Variants in EPHA7 observed in about 807,000 individuals in gnomAD.
EPHA7 encodes the protein ephrin type-A receptor 7.
EPHA7 carries 25 observed loss-of-function variants against 112.6 expected under a neutral mutation model. The ratio of observed to expected loss-of-function variants is 0.22; its 90% CI spans 0.16 to 0.31. EPHA7 has a LOEUF of 0.31. Among genes scored for constraint, EPHA7 ranks in the 10% least tolerant of loss-of-function variants. The probability of loss-of-function intolerance (pLI) is 1.00; values close to 1 mark genes in which losing one functional copy is unlikely to be tolerated. For missense variants in EPHA7, 962 were observed against 1,212.6 expected (o/e 0.79, Z 3.07); for synonymous variants, 437 against 406.5 (o/e 1.07, Z -0.90).
chr6:93,264,494 A>G, intron 8 of EPHA7, 100 bp downstream of exon 8: 1 of 622,806 alleles, frequency 1.6e-6, no homozygotes, highest in Admixed American at 3.4e-5. Context: ...GAATGTTTGC[A>G]TTTACTATTT....
chr6:93,369,356 CAT>C (rs781062490), intron 3 of EPHA7, among the ~76,000 whole-genome samples: 2 of 152,126 alleles, frequency 1.3e-5, no homozygotes, highest in African/African-American at 2.4e-5. Flanking sequence ...TAATTTGCCA[CAT>C]CTCTTTGTAT....
At chr6:93,390,377 G>A (rs1328440810) in intron 3 of EPHA7, among the ~76,000 whole-genome samples, 1 of 151,622 alleles carries the variant, frequency 6.6e-6, no homozygotes, top group African/African-American at 2.4e-5. Flanking sequence ...AAGTAGGTCA[G>A]AAACTGGCAT....
chr6:93,332,405 C>T (rs1163282642), intron 5 of EPHA7, among the ~76,000 whole-genome samples: 1 of 151,612 alleles, frequency 6.6e-6, no homozygotes, highest in African/African-American at 2.4e-5. Context: ...GAACAGTTAT[C>T]TACAGAACAT....
chr6:93,391,967 C>A (rs906571742), intron 3 of EPHA7, among the ~76,000 whole-genome samples: 2 of 151,716 alleles, frequency 1.3e-5, no homozygotes, highest in Admixed American at 6.6e-5. Context: ...TATCAGACAG[C>A]GTTAGACTCA....
intron 3 of EPHA7, among the ~76,000 whole-genome samples, chr6:93,366,383 G>A (rs1420852736): frequency 6.6e-6 from 1 of 152,174 alleles, no homozygotes; most frequent in Non-Finnish European, 1.5e-5. Context: ...TACAGACATA[G>A]TAGTTTTTAT....
chr6:93,351,847 C>T (rs1775710551), intron 5 of EPHA7, among the ~76,000 whole-genome samples: 1 of 152,026 alleles, frequency 6.6e-6, no homozygotes, highest in African/African-American at 2.4e-5. Flanking sequence ...GACAGTAACA[C>T]ACCTTTTTAT....
At position 93,357,011 on chromosome 6, in the gene EPHA7, G is replaced by T; in HGVS notation, c.1030C>A (p.Gln344Lys). Residue 344 changes from glutamine to lysine, a missense_variant, in exon 5 of 17, where the codon CAA becomes AAA. Gln to Lys is a moderately conservative substitution (Grantham distance 53). Around this residue, in one of 3 missense-constraint regions of EPHA7, gnomAD observed 746 missense variants for 889.2 expected, o/e 0.84. Coordinates refer to ENST00000369303, the MANE Select transcript of EPHA7 (RefSeq NM_004440.4). Reference sequence around the variant, plus strand: ...CTCCATTCCAAACTTACTGTGGTTTGGTTGATGTTGAAAATGAGGTTCTGT... The same window carrying T: ...CTCCATTCCAAACTTACTGTGGTTTTGTTGATGTTGAAAATGAGGTTCTGT... Reference protein sequence around the residue: ...APQNLIFNINQTTVSLEWSPP... With the variant: ...APQNLIFNINKTTVSLEWSPP... The T allele has an allele frequency of 6.2e-7, 1 of 1,613,710 alleles. No individual in the cohort carries two copies. The highest frequency in any genetic ancestry group is 8.5e-7 in the Non-Finnish European group (1 of 1,179,884).
intron 10 of EPHA7, among the ~76,000 whole-genome samples, chr6:93,258,635 G>T (rs918435982): frequency 6.7e-6 from 1 of 149,006 alleles, no homozygotes; most frequent in Non-Finnish European, 1.5e-5. Flanking sequence ...TCAACATTTA[G>T]ATTTGAATTA....
At chr6:93,419,180 T>C (rs1034128242) in intron 1 of EPHA7, 65 bp downstream of exon 1, 6 of 1,349,732 alleles carry the variant, frequency 4.4e-6, no homozygotes, top group Non-Finnish European at 6.1e-6. Flanking sequence ...GCGGACGAGC[T>C]GGCTTGTGCA....
chr6:93,258,547 G>A (rs1770547842), intron 10 of EPHA7, among the ~76,000 whole-genome samples: 1 of 147,688 alleles, frequency 6.8e-6, no homozygotes. Flanking sequence ...ACAGTTCAGA[G>A]CTCTTTCATA....
intron 3 of EPHA7, among the ~76,000 whole-genome samples, chr6:93,394,365 C>G (rs942467404): frequency 6.6e-6 from 1 of 151,540 alleles, no homozygotes; most frequent in Admixed American, 6.6e-5. Context: ...AAAGTCAGAA[C>G]TCAGCGAAGT....
intron 5 of EPHA7, among the ~76,000 whole-genome samples, chr6:93,321,202 AGTTT>A (rs1310109662): frequency 6.6e-6 from 1 of 152,010 alleles, no homozygotes; most frequent in Non-Finnish European, 1.5e-5. Context: ...GTCTCCACCA[AGTTT>A]GTCTACAGAA....
chr6:93,299,054 C>T (rs1582473931), intron 5 of EPHA7, among the ~76,000 whole-genome samples: 1 of 151,842 alleles, frequency 6.6e-6, no homozygotes, highest in Non-Finnish European at 1.5e-5. Context: ...CAGCCGGGCG[C>T]GGTGGCTCAA....
chr6:93,316,140 G>C (rs886975540), intron 5 of EPHA7, among the ~76,000 whole-genome samples: 11 of 152,274 alleles, frequency 7.2e-5, no homozygotes, highest in South Asian at 6.2e-4. Flanking sequence ...AATAATAACA[G>C]TGAAGCTAAC....
chr6:93,419,434 G>A lies in EPHA7; in HGVS notation c.-93C>T, dbSNP rs1004518004. 9.7e-7 allele frequency: 1 copy of A among 1,026,148 alleles called. No homozygotes were observed. The allele number at this position is 1,026,148 out of a possible 1,614,324, so 63.6% of individuals were successfully genotyped here. On this transcript the variant is annotated 5_prime_UTR_variant, in exon 1 of 17. Coordinates refer to ENST00000369303, the MANE Select transcript of EPHA7 (RefSeq NM_004440.4). ...TCCGAAGTAGCTTTTGTTTTATTGTGCTCCTTGCATCGATTCCCCTTCTCG... is the reference window on the plus strand; with the variant it reads ...TCCGAAGTAGCTTTTGTTTTATTGTACTCCTTGCATCGATTCCCCTTCTCG...
chr6:93,253,196 T>G (rs1770292306), intron 14 of EPHA7, among the ~76,000 whole-genome samples: 1 of 152,022 alleles, frequency 6.6e-6, no homozygotes, highest in South Asian at 2.1e-4. Flanking sequence ...TGACAGTCCA[T>G]GAAATCTTTG....
chr6:93,366,664 T>C (rs1234059398), intron 3 of EPHA7, among the ~76,000 whole-genome samples: 1 of 152,132 alleles, frequency 6.6e-6, no homozygotes, highest in East Asian at 1.9e-4. Context: ...CCTGATGGTG[T>C]CTGATTCTTG....
chr6:93,369,861 G>A (rs903039684), intron 3 of EPHA7, among the ~76,000 whole-genome samples: 1 of 152,122 alleles, frequency 6.6e-6, no homozygotes, highest in African/African-American at 2.4e-5. Flanking sequence ...CTTACCAAAG[G>A]TTAATTCACT....
intron 5 of EPHA7, among the ~76,000 whole-genome samples, chr6:93,333,232 T>A (rs1220945654): frequency 4.6e-5 from 7 of 151,886 alleles, no homozygotes; most frequent in Admixed American, 4.6e-4. Context: ...TTTTTAAGGC[T>A]ATGTAGTATT....
Sources: gnomAD v4.1 joint callset for allele counts (sites outside exome capture counted in the v4.1 genomes callset) on GRCh38, gnomAD v4.1.1 for gene constraint, gnomAD v4.1.1 regional missense constraint, MANE v1.5 for transcripts, NCBI Gene and HGNC (gene_info 2026-07-23, HGNC 2026-07-21) for gene names.